The following SP100 variants were observed in gnomAD, a reference collection of about 807,000 sequenced individuals.
The protein encoded by SP100 is SP100 nuclear body protein.
In SP100, 84 loss-of-function variants were observed where a neutral mutation model predicts 130.0. The ratio of observed to expected loss-of-function variants is 0.65; its 90% CI spans 0.54 to 0.77. The LOEUF (loss-of-function observed/expected upper bound fraction) is 0.77. Among genes scored for constraint, SP100 ranks in the 30% least tolerant of loss-of-function variants. The probability of loss-of-function intolerance (pLI) is 0.00; values close to 1 mark genes in which losing one functional copy is unlikely to be tolerated. For missense variants in SP100, 978 were observed against 1,052.2 expected, an observed-to-expected ratio of 0.93 and a Z score of 0.97; for synonymous variants, 331 against 351.7, an observed-to-expected ratio of 0.94 and a Z score of 0.66.
chr2:230,427,349 A>G (rs182907470), intron 2 of SP100, among the ~76,000 whole-genome samples: 183 of 152,182 alleles, frequency 1.2e-3, no homozygotes, highest in Admixed American at 5.3e-3. Flanking sequence ...TTTAGTAGAG[A>G]CGGGGTTTCA....
chr2:230,524,633 A>G (rs1005961591), intron 24 of SP100, among the ~76,000 whole-genome samples: 1 of 152,200 alleles, frequency 6.6e-6, no homozygotes, highest in Admixed American at 6.5e-5. Context: ...ATATAAATGG[A>G]TAAGTGCTAT....
At chr2:230,493,023 A>G (rs997883776) in intron 17 of SP100, among the ~76,000 whole-genome samples, 15 of 152,320 alleles carry the variant, frequency 9.8e-5, no homozygotes, top group Admixed American at 5.2e-4. Flanking sequence ...TGTTGGAAAT[A>G]TATCTCAGTG....
chr2:230,529,380 T>A (rs1234777908), intron 24 of SP100, among the ~76,000 whole-genome samples: 1 of 152,150 alleles, frequency 6.6e-6, no homozygotes, highest in Non-Finnish European at 1.5e-5. Context: ...TTCAACGCCT[T>A]TCATGCTAAA....
chr2:230,459,981 T>C (rs1412573383), intron 8 of SP100, among the ~76,000 whole-genome samples: 1 of 152,188 alleles, frequency 6.6e-6, no homozygotes, highest in Non-Finnish European at 1.5e-5. Context: ...CCTCTCGCCC[T>C]TTCATGCCAC....
intron 24 of SP100, among the ~76,000 whole-genome samples, chr2:230,517,998 G>A (rs969946545): frequency 6.6e-6 from 1 of 151,816 alleles, no homozygotes; most frequent in African/African-American, 2.4e-5. Context: ...ATTTCATAGG[G>A]TTTCTTTTCA....
chr2:230,489,242 A>C (rs1252678293), intron 17 of SP100, among the ~76,000 whole-genome samples: 1 of 152,168 alleles, frequency 6.6e-6, no homozygotes, highest in Non-Finnish European at 1.5e-5. Flanking sequence ...TTCCTGGTTT[A>C]GTCTTGGGAG....
At chr2:230,528,087 CAT>C (rs1691514578) in intron 24 of SP100, among the ~76,000 whole-genome samples, 1 of 152,188 alleles carries the variant, frequency 6.6e-6, no homozygotes, top group Non-Finnish European at 1.5e-5. Flanking sequence ...ACCTAATAGA[CAT>C]CTACAGAACT....
intron 2 of SP100, among the ~76,000 whole-genome samples, chr2:230,428,390 G>A (rs2062999472): frequency 6.6e-6 from 1 of 152,202 alleles, no homozygotes; most frequent in East Asian, 1.9e-4. Flanking sequence ...GGGGAAGCAA[G>A]CACGTCTTCA....
rs11885035 is a variant in SP100 at position 230,427,408 on chromosome 2, G to T, written c.107+9743G>T. 8.8e-3 allele frequency among the ~76,000 whole-genome samples: 1,346 copies of T among 152,106 alleles called. 18 individuals carry two copies. Among genetic ancestry groups the T allele is most frequent in the African/African-American group, 0.031 (1,298 of 41,492 alleles). Reference sequence around the variant, plus strand: ...AGCTCCCGACCTCAAGTGATCATCCGCCTGGGCCTTCCAAAGTGCTGGGAT... The same window carrying T: ...AGCTCCCGACCTCAAGTGATCATCCTCCTGGGCCTTCCAAAGTGCTGGGAT... On this transcript the variant is annotated intron_variant, in intron 2 of 28. Transcript: ENST00000340126.
At chr2:230,513,797 A>T (rs1002399079) in intron 24 of SP100, among the ~76,000 whole-genome samples, 1 of 152,268 alleles carries the variant, frequency 6.6e-6, no homozygotes, top group African/African-American at 2.4e-5. Context: ...GCACAATGCA[A>T]ATCATGAGTG....
chr2:230,464,868 A>G (rs2064856638), intron 11 of SP100, among the ~76,000 whole-genome samples: 2 of 152,162 alleles, frequency 1.3e-5, no homozygotes, highest in Admixed American at 1.3e-4. Context: ...TAAGGCAGGT[A>G]GGTGGCTTGA....
chr2:230,470,039 A>T lies in SP100; in HGVS notation c.1370A>T (p.Asp457Val). ...GGTTTCAGCAGTAGTGACTTTTCAG[A>T]CCTGAGTAATGGAGAAGAGCTTCAG... ...KRRFSSSDFS[D>V]LSNGEELQET... Residue 457 changes from aspartate to valine, a missense_variant, in exon 15 of 29, where the codon GAC becomes GTC. Transcript: ENST00000340126. 1 of 1,612,698 alleles carries T rather than the reference A, an allele frequency of 6.2e-7. No homozygotes were observed. The highest frequency in any genetic ancestry group is 2.2e-5 in the East Asian group (1 of 44,844).
At chr2:230,450,502 C>T (rs1329848118) in intron 8 of SP100, among the ~76,000 whole-genome samples, 2 of 152,076 alleles carry the variant, frequency 1.3e-5, no homozygotes, top group African/African-American at 2.4e-5. Flanking sequence ...TAACACAAAA[C>T]CTATTCTCTC....
At chr2:230,425,143 G>A (rs576492506) in intron 2 of SP100, among the ~76,000 whole-genome samples, 8 of 151,784 alleles carry the variant, frequency 5.3e-5, no homozygotes, top group African/African-American at 1.7e-4. Context: ...TTACCATTGC[G>A]TGTGTGTGAT....
intron 18 of SP100, 148 bp from the exon 19 acceptor site, chr2:230,498,313 C>T (rs560661643): frequency 1.5e-5 from 6 of 397,444 alleles, no homozygotes; most frequent in African/African-American, 8.3e-5. Context: ...CCATCAAAGG[C>T]TTGGTAATTG....
chr2:230,544,549 G>A lies in SP100; in HGVS notation c.*1603G>A, dbSNP rs151313402. ...GTTGCCCAGGCCAGAGTGCAATGGC[G>A]TGATCTTGGCTCACCACAACCTCTG... is the stretch of plus-strand genomic sequence containing the variant. On this transcript the variant is annotated 3_prime_UTR_variant, in exon 29 of 29. Transcript: ENST00000340126. Among the ~76,000 whole-genome samples, 326 of 152,114 alleles carry A rather than the reference G, an allele frequency of 2.1e-3. 6 individuals are homozygous for A. The East Asian group carries it at 0.055, about 25-fold the overall frequency.
chr2:230,505,743 A>T (rs183829912), intron 21 of SP100, among the ~76,000 whole-genome samples: 8 of 152,322 alleles, frequency 5.3e-5, no homozygotes, highest in African/African-American at 1.7e-4. Flanking sequence ...AACTTCTCCC[A>T]CTATATAACA....
At position 230,478,823 on chromosome 2, in the gene SP100, A is replaced by AT. The variant is rs577991459; in HGVS notation, c.1600+4386dup. ...AAACAGTGAAATAGGATGCATAAAG[A>AT]TTTTTTTTTTCTTTTGAGATGGAGT... On this transcript the variant is annotated intron_variant, in intron 17 of 28. Transcript: ENST00000340126. Among the ~76,000 whole-genome samples the AT allele has an allele frequency of 2.2e-4, 33 of 150,682 alleles. No individual in the cohort carries two copies. The South Asian group carries it at 4.2e-3, about 19-fold the overall frequency.
chr2:230,503,597 C>T lies in SP100; in HGVS notation c.1765+487C>T, dbSNP rs1243982763. On this transcript the variant is annotated intron_variant, in intron 20 of 28. Transcript: ENST00000340126. ...TTATTTCTTCTATCTAACTGTATAT[C>T]TGAATGCTTCGTCAATCTCTCTTTA... 3.9e-5 allele frequency among the ~76,000 whole-genome samples: 6 copies of T among 152,174 alleles called. No homozygotes were observed. In the South Asian group the frequency reaches 1.2e-3, roughly 32 times the overall value.
Sources: allele counts gnomAD v4.1 joint callset (sites outside exome capture counted in the v4.1 genomes callset), GRCh38; gene constraint gnomAD v4.1.1; transcripts MANE v1.5; gene names NCBI Gene and HGNC (gene_info 2026-07-23, HGNC 2026-07-21).